The following SYT16 variants were observed in gnomAD, a reference collection of about 807,000 sequenced individuals.
The protein encoded by SYT16 is synaptotagmin 16, also known as synaptotagmin-16.
SYT16 carries 42 observed loss-of-function variants against 61.4 expected under a neutral mutation model. The ratio of observed to expected loss-of-function variants is 0.68; its 90% CI spans 0.53 to 0.89. The LOEUF is 0.89. Ranked by LOEUF, SYT16 falls within the 40% of genes least tolerant of loss-of-function variation. SYT16 has a pLI of 0.00. For synonymous variants in SYT16, 314 were observed against 302.3 expected, an observed-to-expected ratio of 1.04 and a Z score of -0.40; for missense variants, 804 against 807.3, an observed-to-expected ratio of 1.00 and a Z score of 0.05.
intron 1 of SYT16, among the ~76,000 whole-genome samples, chr14:61,867,295 T>G (rs1220817458): frequency 6.6e-6 from 1 of 152,126 alleles, no homozygotes; most frequent in Non-Finnish European, 1.5e-5. Context: ...AAATTCTTCC[T>G]GGATTTTCTT....
At chr14:62,021,630 G>C (rs2053914337) in intron 3 of SYT16, among the ~76,000 whole-genome samples, 1 of 150,278 alleles carries the variant, frequency 6.7e-6, no homozygotes, top group Non-Finnish European at 1.5e-5. Flanking sequence ...TAGATTTAGT[G>C]CTGTTTTCCA....
At chr14:61,984,770 A>G (rs2052231628) in intron 2 of SYT16, among the ~76,000 whole-genome samples, 2 of 152,218 alleles carry the variant, frequency 1.3e-5, no homozygotes, top group South Asian at 2.1e-4. Flanking sequence ...TACAATCTGT[A>G]TAACTATATA....
At position 62,107,046 on chromosome 14, in the gene SYT16, A is replaced by C. The variant is rs1024914046; in HGVS notation, c.*6339A>C. ...AAGGCTGACTTCCTATTGTATTGCC[A>C]TATTTATGCATTATTTTTGTTTACG... On this transcript the variant is annotated 3_prime_UTR_variant, in exon 8 of 8. Transcript: ENST00000683842. The C allele has an allele frequency of 1.3e-5, 2 of 151,346 alleles. No homozygotes were observed. The highest frequency in any genetic ancestry group is 4.9e-5 in the African/African-American group (2 of 41,124). The allele number at this position is 151,346 out of a possible 1,614,324, so 9.4% of individuals were successfully genotyped here. A position where few individuals can be genotyped will look rare whatever the true frequency, so the allele number is the denominator to read the frequency against.
intron 7 of SYT16, among the ~76,000 whole-genome samples, chr14:62,088,858 A>G (rs767498999): frequency 5.9e-5 from 9 of 152,164 alleles, no homozygotes; most frequent in Non-Finnish European, 1.3e-4. Flanking sequence ...ATACTGGGGA[A>G]TACAATCTAG....
intron 3 of SYT16, among the ~76,000 whole-genome samples, chr14:62,052,506 T>C (rs2055354511): frequency 1.3e-5 from 2 of 152,236 alleles, no homozygotes; most frequent in Admixed American, 1.3e-4. Context: ...TGCATGCGAT[T>C]ACTATGTATA....
chr14:61,902,641 T>G (rs991425303), intron 1 of SYT16, among the ~76,000 whole-genome samples: 3 of 152,156 alleles, frequency 2.0e-5, no homozygotes, highest in African/African-American at 7.2e-5. Flanking sequence ...CTTTTGGTGG[T>G]TTGCTTGTTG....
chr14:61,842,303 A>C (rs1265607522), intron 1 of SYT16, among the ~76,000 whole-genome samples: 1 of 152,148 alleles, frequency 6.6e-6, no homozygotes, highest in Non-Finnish European at 1.5e-5. Context: ...CCCATTAACC[A>C]TCCCCACCTT....
chr14:61,854,823 T>C (rs1008351313), intron 1 of SYT16, among the ~76,000 whole-genome samples: 2 of 151,720 alleles, frequency 1.3e-5, no homozygotes, highest in African/African-American at 4.9e-5. Context: ...ACCTAAAGTT[T>C]ATAAAAACTG....
At chr14:61,934,550 T>C (rs1406415919) in intron 1 of SYT16, among the ~76,000 whole-genome samples, 1 of 152,226 alleles carries the variant, frequency 6.6e-6, no homozygotes, top group Non-Finnish European at 1.5e-5. Flanking sequence ...CGTGCTTAGA[T>C]GTATTATTAT....
In SYT16 at chr14:62,087,320, C is replaced by T. The variant is rs111947986; in HGVS notation, c.1624+2935C>T. 1.9e-3 allele frequency among the ~76,000 whole-genome samples: 282 copies of T among 151,444 alleles called. 1 individual carries two copies. The highest frequency in any genetic ancestry group is 6.3e-3 in the African/African-American group (255 of 40,762). ...CGCATGCCAAGTGCACCGCTCCCCACGGCAGAGGGAGAGCCGGCGGCAGCC... is the reference window on the plus strand; with the variant it reads ...CGCATGCCAAGTGCACCGCTCCCCATGGCAGAGGGAGAGCCGGCGGCAGCC... On this transcript the variant is annotated intron_variant, in intron 7 of 7. Transcript: ENST00000683842.
intron 3 of SYT16, among the ~76,000 whole-genome samples, chr14:62,008,020 G>A (rs1195045210): frequency 1.3e-5 from 2 of 151,900 alleles, no homozygotes; most frequent in Non-Finnish European, 2.9e-5. Context: ...AGCTAGACAG[G>A]AACTACAAAA....
At chr14:61,861,059 C>A (rs1231840087) in intron 1 of SYT16, among the ~76,000 whole-genome samples, 1 of 151,986 alleles carries the variant, frequency 6.6e-6, no homozygotes, top group Admixed American at 6.6e-5. Context: ...GAATGTAGGA[C>A]CAGCAAGGAG....
At chr14:61,845,128 A>G (rs1217560859) in intron 1 of SYT16, among the ~76,000 whole-genome samples, 1 of 147,002 alleles carries the variant, frequency 6.8e-6, no homozygotes, top group African/African-American at 2.6e-5. Flanking sequence ...GCTCACTGCA[A>G]CCTCTACCTC....
rs185168123 is a variant in SYT16 at position 62,012,187 on chromosome 14, G to T, written c.523+15645G>T. ...GTGTTAGCTGAATCCTTTGCTTAGG[G>T]TCTCACATGGCTATAATCAAAGTAT... On this transcript the variant is annotated intron_variant, in intron 3 of 7. Coordinates refer to ENST00000683842, the MANE Select transcript of SYT16 (RefSeq NM_001367656.1). Among the ~76,000 whole-genome samples, 402 of 152,168 alleles carry T rather than the reference G, an allele frequency of 2.6e-3. 1 individual carries two copies. Among genetic ancestry groups the T allele is most frequent in the Non-Finnish European group, 4.3e-3 (290 of 68,016 alleles).
chr14:62,026,572 A>G (rs2054111499), intron 3 of SYT16, among the ~76,000 whole-genome samples: 1 of 152,170 alleles, frequency 6.6e-6, no homozygotes, highest in South Asian at 2.1e-4. Context: ...CCCACCTCTT[A>G]ATACTACCAC....
At chr14:62,083,575 T>C (rs1272456162) in intron 6 of SYT16, among the ~76,000 whole-genome samples, 1 of 152,190 alleles carries the variant, frequency 6.6e-6, no homozygotes, top group African/African-American at 2.4e-5. Context: ...CCACAACCCA[T>C]GTGTTGTCTT....
At chr14:61,939,693 CCTT>C (rs1411623834) in intron 1 of SYT16, among the ~76,000 whole-genome samples, 9 of 152,118 alleles carry the variant, frequency 5.9e-5, no homozygotes, top group Admixed American at 5.2e-4. Context: ...AATACAGTGA[CCTT>C]CTGAGGTACT....
chr14:61,860,749 G>A (rs1293887497), intron 1 of SYT16, among the ~76,000 whole-genome samples: 4 of 152,158 alleles, frequency 2.6e-5, no homozygotes, highest in African/African-American at 9.7e-5. Flanking sequence ...TCCACCTGAG[G>A]CTTGAGGCCA....
chr14:61,961,287 A>G (rs1186376260), intron 1 of SYT16, among the ~76,000 whole-genome samples: 1 of 152,208 alleles, frequency 6.6e-6, no homozygotes, highest in Non-Finnish European at 1.5e-5. Context: ...ATTAAAGGAA[A>G]GAGCTTCTGC....
Sources: gnomAD v4.1 joint callset for allele counts (sites outside exome capture counted in the v4.1 genomes callset) on GRCh38, gnomAD v4.1.1 for gene constraint, MANE v1.5 for transcripts, NCBI Gene and HGNC (gene_info 2026-07-23, HGNC 2026-07-21) for gene names.